The following DCDC2C variants were observed in gnomAD, a reference collection of about 807,000 sequenced individuals.
DCDC2C encodes the protein doublecortin domain containing 2C.
Under a neutral mutation model 45.0 loss-of-function variants are expected in DCDC2C, and 44 were observed. The observed-to-expected ratio is 0.98, with a 90% CI of 0.77 to 1.26. The LOEUF (loss-of-function observed/expected upper bound fraction) is 1.26, where lower values mean the gene tolerates loss of function less well. Among genes scored for constraint, DCDC2C ranks in the 50% most tolerant of loss-of-function variants. The pLI is 0.00. For missense variants in DCDC2C, 447 were observed against 468.9 expected, an observed-to-expected ratio of 0.95 and a Z score of 0.43; for synonymous variants, 187 against 178.8, an observed-to-expected ratio of 1.05 and a Z score of -0.37.
rs138566041 is a variant in DCDC2C, at chr2:3,834,896, G to A, written c.1066-12258G>A. ...TGTGCTGGGAACAGTGCTGAGCATC[G>A]TATTCATATTCTTTCTTTTTATCCT... On this transcript the variant is annotated intron_variant, in intron 10 of 10. Transcript: ENST00000399143. 1.4e-4 allele frequency among the ~76,000 whole-genome samples: 22 copies of A among 152,288 alleles called. No homozygotes were observed. In the East Asian group the frequency reaches 3.1e-3, roughly 21 times the overall value.
chr2:3,768,027 G>A (rs1670062185), intron 7 of DCDC2C, 147 bp downstream of exon 7: 2 of 975,752 alleles, frequency 2.0e-6, no homozygotes, highest in Non-Finnish European at 1.4e-6. Context: ...GGTTCAGCTT[G>A]TAGGTAGTTC....
Position 3,727,616 on chromosome 2 carries a change from A to G in DCDC2C, c.416+537A>G, listed in dbSNP as rs1256645485. On this transcript the variant is annotated intron_variant, in intron 3 of 10. Coordinates refer to ENST00000399143, the MANE Select transcript of DCDC2C (RefSeq NM_001287444.2). ...GCCGCTGCCCTGGGATGCCGCTGGC[A>G]GTGCCAGGCACCGAGGTGCTCAGTG... is the stretch of plus-strand genomic sequence containing the variant. Among the ~76,000 whole-genome samples, 4 of 152,250 alleles carry G rather than the reference A, an allele frequency of 2.6e-5. No individual in the cohort carries two copies. The East Asian group carries it at 5.8e-4, about 22-fold the overall frequency.
intron 5 of DCDC2C, among the ~76,000 whole-genome samples, chr2:3,753,218 T>C (rs1434857366): frequency 6.6e-6 from 1 of 152,218 alleles, no homozygotes; most frequent in African/African-American, 2.4e-5. Context: ...TATGCCTGCC[T>C]GTGATGCACC....
At chr2:3,757,852 G>C (rs1558212533) in intron 6 of DCDC2C, among the ~76,000 whole-genome samples, 1 of 152,136 alleles carries the variant, frequency 6.6e-6, no homozygotes, top group Non-Finnish European at 1.5e-5. Context: ...TCTCCTATAA[G>C]CTGTTTAACT....
intron 4 of DCDC2C, among the ~76,000 whole-genome samples, chr2:3,747,463 G>C (rs1669407028): frequency 6.6e-6 from 1 of 152,210 alleles, no homozygotes; most frequent in Admixed American, 6.5e-5. Flanking sequence ...GAGGCGAAGT[G>C]GGCCATTGTC....
At chr2:3,842,637 T>TAA (rs3067135) in intron 10 of DCDC2C, among the ~76,000 whole-genome samples, 93,914 of 139,228 alleles carry the variant, frequency 0.67, 31,842 homozygotes, top group South Asian at 0.8. Context: ...TAATTTGCAG[T>TAA]AAAAAAAAAA....
In DCDC2C at chr2:3,703,776, C is replaced by G; in HGVS notation, c.25C>G (p.Pro9Ala). MGTRGPSAPVDTTPAKTIV... is the reference protein window; with the variant it reads MGTRGPSAAVDTTPAKTIV... Reference sequence around the variant, plus strand: ...TATGGGAACCCGCGGGCCCTCCGCGCCGGTGGACACCACGCCCGCCAAGAC... The same window carrying G: ...TATGGGAACCCGCGGGCCCTCCGCGGCGGTGGACACCACGCCCGCCAAGAC... The change falls in exon 1 of 11, where the codon CCG becomes GCG. Residue 9 changes from proline to alanine, a missense_variant. By Grantham distance (27) the Pro-to-Ala change is conservative. Coordinates refer to ENST00000399143, the MANE Select transcript of DCDC2C (RefSeq NM_001287444.2). This position sits in a 1 kb window ranked among gnomAD's most constrained non-coding sequence, Gnocchi z 4.4. The G allele has an allele frequency of 8.1e-7, 1 of 1,236,352 alleles. No homozygotes were observed. Among genetic ancestry groups the G allele is most frequent in the East Asian group, 3.2e-5 (1 of 31,620 alleles). The allele number at this position is 1,236,352 out of a possible 1,614,324, so 76.6% of individuals were successfully genotyped here. A position where few individuals can be genotyped will look rare whatever the true frequency, so the allele number is the denominator to read the frequency against.
chr2:3,832,140 G>A (rs1213048459), intron 10 of DCDC2C, among the ~76,000 whole-genome samples: 1 of 152,062 alleles, frequency 6.6e-6, no homozygotes, highest in Non-Finnish European at 1.5e-5. Context: ...AAACAATATC[G>A]AAATCAAAAC....
intron 2 of DCDC2C, among the ~76,000 whole-genome samples, chr2:3,713,416 G>A (rs1668271155): frequency 6.6e-6 from 1 of 152,154 alleles, no homozygotes; most frequent in Non-Finnish European, 1.5e-5. Context: ...CATAGGAAGA[G>A]CACCAGAATG....
chr2:3,784,592 A>G (rs1670600035), intron 9 of DCDC2C, among the ~76,000 whole-genome samples: 1 of 151,980 alleles, frequency 6.6e-6, no homozygotes, highest in Admixed American at 6.6e-5. Context: ...ATATTACAAT[A>G]TATTAATGAC....
At position 3,847,729 on chromosome 2, in the gene DCDC2C, G is replaced by A. The variant is rs1441625738; in HGVS notation, c.*546G>A. Among the ~76,000 whole-genome samples the A allele has an allele frequency of 6.6e-6, 1 of 152,202 alleles. No homozygotes were observed. The highest frequency in any genetic ancestry group is 6.5e-5 in the Admixed American group (1 of 15,284). On this transcript the variant is annotated 3_prime_UTR_variant, in exon 11 of 11. Coordinates refer to ENST00000399143, the MANE Select transcript of DCDC2C (RefSeq NM_001287444.2). ...TCATGTCGAATTGTAATCCCCATGT[G>A]TTGGAGGAGGGGGCCGGTGGGAGGT...
chr2:3,770,164 A>T (rs1257811918), intron 8 of DCDC2C, among the ~76,000 whole-genome samples: 1 of 152,200 alleles, frequency 6.6e-6, no homozygotes, highest in African/African-American at 2.4e-5. Flanking sequence ...TACATTTCCA[A>T]TTCTTAGTTT....
chr2:3,717,339 C>A (rs1358541446), intron 2 of DCDC2C, among the ~76,000 whole-genome samples: 2 of 152,158 alleles, frequency 1.3e-5, no homozygotes, highest in Non-Finnish European at 2.9e-5. Context: ...TGACTCCAAA[C>A]CCAATTGTTA....
chr2:3,741,615 T>G (rs1669210244), intron 3 of DCDC2C, among the ~76,000 whole-genome samples: 1 of 152,092 alleles, frequency 6.6e-6, no homozygotes, highest in African/African-American at 2.4e-5. Context: ...GCAACCACTA[T>G]TAACCCTAAG....
chr2:3,724,067 A>G (rs1314446066), intron 2 of DCDC2C, among the ~76,000 whole-genome samples: 2 of 152,124 alleles, frequency 1.3e-5, no homozygotes, highest in African/African-American at 4.8e-5. Flanking sequence ...GCCTTTTATG[A>G]AATGTTCTCA....
chr2:3,723,282 C>T (rs1190930823), intron 2 of DCDC2C, among the ~76,000 whole-genome samples: 1 of 152,170 alleles, frequency 6.6e-6, no homozygotes, highest in Non-Finnish European at 1.5e-5. Flanking sequence ...GAAGCAAATA[C>T]ACAAACAAGA....
At chr2:3,773,877 A>G (rs1437943932) in intron 8 of DCDC2C, among the ~76,000 whole-genome samples, 1 of 152,242 alleles carries the variant, frequency 6.6e-6, no homozygotes, top group Admixed American at 6.5e-5. Context: ...GTTTGACTGA[A>G]ATCACAAAGG....
rs368912339 is a variant in DCDC2C, at chr2:3,724,931, T to C, written c.340-2072T>C. On this transcript the variant is annotated intron_variant, in intron 2 of 10. Coordinates refer to ENST00000399143, the MANE Select transcript of DCDC2C (RefSeq NM_001287444.2). ...CCCCACCTGAACTCCTTGTTGGCAG[T>C]GGACTCAGATGCTGAGCTGCTGGAA... 2.6e-5 allele frequency among the ~76,000 whole-genome samples: 4 copies of C among 152,266 alleles called. No homozygotes were observed. In the East Asian group the frequency reaches 5.8e-4, roughly 22 times the overall value.
chr2:3,725,521 C>T (rs561799707), intron 2 of DCDC2C, among the ~76,000 whole-genome samples: 442 of 29,928 alleles, frequency 0.015, 3 homozygotes, highest in South Asian at 0.035. Context: ...CGGTGGATCC[C>T]AGAGGAAGAC....
Sources: allele counts gnomAD v4.1 joint callset (sites outside exome capture counted in the v4.1 genomes callset), GRCh38; gene constraint gnomAD v4.1.1; non-coding constraint Gnocchi (gnomAD v3.1); transcripts MANE v1.5; gene names NCBI Gene and HGNC (gene_info 2026-07-23, HGNC 2026-07-21).